DSCAM: variants seen among roughly 807,000 people sequenced by gnomAD.
The protein encoded by DSCAM is DS cell adhesion molecule.
Under a neutral mutation model 217.7 loss-of-function variants are expected in DSCAM, and 47 were observed. The observed-to-expected ratio is 0.22, with a 90% CI of 0.17 to 0.28. DSCAM has a LOEUF of 0.28. DSCAM is among the 10% of genes least tolerant of loss of function. DSCAM has a pLI of 1.00. For missense variants in DSCAM, 2,080 were observed against 2,618.3 expected, an observed-to-expected ratio of 0.79 and a Z score of 4.49; for synonymous variants, 1,056 against 1,015.3, an observed-to-expected ratio of 1.04 and a Z score of -0.76.
chr21:40,370,307 G>T (rs1377407941), intron 3 of DSCAM, among the ~76,000 whole-genome samples: 4 of 151,164 alleles, frequency 2.6e-5, no homozygotes, highest in African/African-American at 9.7e-5. Flanking sequence ...CTTCCCGGTG[G>T]GTAACTCAGT....
chr21:40,092,093 G>C (rs757978126), intron 21 of DSCAM, among the ~76,000 whole-genome samples: 2 of 152,078 alleles, frequency 1.3e-5, no homozygotes, highest in African/African-American at 2.4e-5. Flanking sequence ...CTTTTCCCTG[G>C]TGGGTCCATG....
intron 3 of DSCAM, among the ~76,000 whole-genome samples, chr21:40,674,632 C>CTTTTTTTTT (rs869046725): frequency 3.8e-5 from 2 of 51,992 alleles, no homozygotes; most frequent in African/African-American, 6.4e-5. Context: ...TTTTCTTTTT[C>CTTTTTTTTT]TTTTTTTTTT....
chr21:40,597,226 G>T (rs2146254612), intron 3 of DSCAM, among the ~76,000 whole-genome samples: 1 of 152,236 alleles, frequency 6.6e-6, no homozygotes, highest in Admixed American at 6.5e-5. Flanking sequence ...ATTTTTGCCT[G>T]ACTGGAGGGC....
intron 2 of DSCAM, among the ~76,000 whole-genome samples, chr21:40,704,232 T>C (rs1019573037): frequency 6.6e-6 from 1 of 152,194 alleles, no homozygotes; most frequent in Non-Finnish European, 1.5e-5. Context: ...ATCTTTCTAC[T>C]GTCTCTCTAG....
intron 32 of DSCAM, among the ~76,000 whole-genome samples, chr21:40,042,134 G>A (rs1286877517): frequency 6.6e-6 from 1 of 152,298 alleles, no homozygotes; most frequent in Admixed American, 6.5e-5. Flanking sequence ...AGCCCCAGGA[G>A]AGCCTCTGCA....
chr21:40,276,083 T>A lies in DSCAM; in HGVS notation c.2356+14A>T, dbSNP rs1434716411. On this transcript the variant is annotated intron_variant, in intron 11 of 32. Coordinates refer to ENST00000400454, the MANE Select transcript of DSCAM (RefSeq NM_001389.5). ...ATTTAAACTAGGTAAAACGAAGCAT[T>A]TCTTCTCTCTTACTTTTAACCGTGA... is the stretch of plus-strand genomic sequence containing the variant. The A allele has an allele frequency of 6.5e-7, 1 of 1,544,080 alleles. No homozygotes were observed.
At chr21:40,188,883 A>C (rs1298969018) in intron 12 of DSCAM, among the ~76,000 whole-genome samples, 159 bp downstream of exon 12, 1 of 151,368 alleles carries the variant, frequency 6.6e-6, no homozygotes, top group Non-Finnish European at 1.5e-5. Flanking sequence ...TTTGAAGGCT[A>C]CTTCACTAAT....
intron 6 of DSCAM, among the ~76,000 whole-genome samples, chr21:40,345,518 T>A (rs907452056): frequency 4.6e-5 from 7 of 152,232 alleles, no homozygotes; most frequent in Middle Eastern, 3.2e-3. Flanking sequence ...TATTCTTTTT[T>A]AAAATCATTC....
At chr21:40,682,221 G>A (rs1187499875) in intron 3 of DSCAM, among the ~76,000 whole-genome samples, 3 of 152,148 alleles carry the variant, frequency 2.0e-5, no homozygotes, top group African/African-American at 7.2e-5. Context: ...GCAGGACCAG[G>A]AGAGAAGGCA....
intron 3 of DSCAM, among the ~76,000 whole-genome samples, chr21:40,382,394 T>C (rs2123732904): frequency 6.6e-6 from 1 of 152,330 alleles, no homozygotes; most frequent in South Asian, 2.1e-4. Flanking sequence ...GACACATTTT[T>C]TCCCACCTCA....
chr21:40,168,017 C>G (rs868217182), intron 15 of DSCAM, among the ~76,000 whole-genome samples: 3 of 152,104 alleles, frequency 2.0e-5, no homozygotes, highest in African/African-American at 7.2e-5. Flanking sequence ...GCCGAGATTG[C>G]GCCACTGCAC....
intron 9 of DSCAM, among the ~76,000 whole-genome samples, chr21:40,298,643 A>G (rs1025595931): frequency 2.0e-5 from 3 of 152,210 alleles, no homozygotes; most frequent in Admixed American, 2.0e-4. Context: ...GTGACCAATC[A>G]ACTCAAGAGC....
chr21:40,344,223 T>C (rs536804738), intron 6 of DSCAM, among the ~76,000 whole-genome samples: 137 of 152,344 alleles, frequency 9.0e-4, no homozygotes, highest in African/African-American at 2.9e-3. Flanking sequence ...TATAATGTTA[T>C]AATCATCAAT....
chr21:40,413,831 T>C lies in DSCAM; in HGVS notation c.509-44586A>G, dbSNP rs565970108. Among the ~76,000 whole-genome samples, 12 of 152,272 alleles carry C rather than the reference T, an allele frequency of 7.9e-5. 1 individual carries two copies. Among genetic ancestry groups the C allele is most frequent in the African/African-American group, 2.4e-4 (10 of 41,572 alleles). ...ATAGAGTTAATTGGTTTTCAACAAA[T>C]GTGCACAGGTAATTCAATGGAGAAA... On this transcript the variant is annotated intron_variant, in intron 3 of 32. Transcript: ENST00000400454.
At chr21:40,259,706 C>T (rs532604478) in intron 11 of DSCAM, among the ~76,000 whole-genome samples, 1 of 110,658 alleles carries the variant, frequency 9.0e-6, no homozygotes, top group East Asian at 2.8e-4. Flanking sequence ...TGGAGTCTCG[C>T]TCTGTCGCCC....
intron 3 of DSCAM, among the ~76,000 whole-genome samples, chr21:40,688,636 G>A (rs1420131808): frequency 6.6e-6 from 1 of 152,150 alleles, no homozygotes; most frequent in Non-Finnish European, 1.5e-5. Context: ...CATATTAACT[G>A]AGGTCATCTG....
intron 3 of DSCAM, among the ~76,000 whole-genome samples, chr21:40,470,469 T>C (rs55930628): frequency 0.023 from 3,544 of 152,348 alleles, 138 homozygotes; most frequent in African/African-American, 0.08. Context: ...AAGAGCTTTC[T>C]GCCCTCTCTT....
chr21:40,233,466 T>C (rs1040403233), intron 11 of DSCAM, among the ~76,000 whole-genome samples: 3 of 152,198 alleles, frequency 2.0e-5, no homozygotes, highest in Non-Finnish European at 4.4e-5. Context: ...AAATTTCTAC[T>C]GACCATGCTT....
At chr21:40,520,351 A>T (rs1373774376) in intron 3 of DSCAM, among the ~76,000 whole-genome samples, 1 of 152,206 alleles carries the variant, frequency 6.6e-6, no homozygotes, top group East Asian at 1.9e-4. Flanking sequence ...GAGGAGCAGG[A>T]TTCAATGCAA....
Sources: gnomAD v4.1 joint callset for allele counts (sites outside exome capture counted in the v4.1 genomes callset) on GRCh38, gnomAD v4.1.1 for gene constraint, MANE v1.5 for transcripts, NCBI Gene and HGNC (gene_info 2026-07-23, HGNC 2026-07-21) for gene names.